PTPDC1: variants seen among roughly 807,000 people sequenced by gnomAD.
PTPDC1 encodes the protein protein tyrosine phosphatase domain-containing protein 1.
PTPDC1 carries 53 observed loss-of-function variants against 75.3 expected under a neutral mutation model. The observed-to-expected ratio is 0.70, with a 90% confidence interval of 0.56 to 0.88. The LOEUF is 0.88. PTPDC1 is among the 40% of genes least tolerant of loss of function. The probability of loss-of-function intolerance (pLI) is 0.00; values close to 1 mark genes in which losing one functional copy is unlikely to be tolerated. For missense variants in PTPDC1, 925 were observed against 998.6 expected (o/e 0.93, Z 0.99); for synonymous variants, 349 against 366.2 (o/e 0.95, Z 0.54).
chr9:94,087,683 G>T, intron 2 of PTPDC1, 148 bp from the exon 3 acceptor site: 2 of 639,016 alleles, frequency 3.1e-6, no homozygotes, highest in Non-Finnish European at 5.5e-6. Context: ...TGTATTATCT[G>T]TTCAAATAAA....
At chr9:94,080,663 T>C (rs750917251), upstream of PTPDC1, among the ~76,000 whole-genome samples, 1 of 152,200 alleles carries the variant, frequency 6.6e-6, no homozygotes, top group African/African-American at 2.4e-5. Context: ...ATAACTGGCC[T>C]ATACTCTTCA....
intron 8 of PTPDC1, among the ~76,000 whole-genome samples, chr9:94,105,501 C>T (rs1827982436): frequency 6.6e-6 from 1 of 151,970 alleles, no homozygotes; most frequent in African/African-American, 2.4e-5. Context: ...AACCCCATCT[C>T]TACTAAAGTA....
At chr9:94,061,870 G>A (rs899178007) in intron 1 of PTPDC1, among the ~76,000 whole-genome samples, 2 of 152,228 alleles carry the variant, frequency 1.3e-5, no homozygotes, top group African/African-American at 4.8e-5. Context: ...CCTTCAAGGC[G>A]TTTTTCCCAT....
At chr9:94,069,563 C>CA (rs1826439907) in intron 2 of PTPDC1, among the ~76,000 whole-genome samples, 1 of 150,620 alleles carries the variant, frequency 6.6e-6, no homozygotes, top group African/African-American at 2.5e-5. Context: ...CTCTGTTTCC[C>CA]AGGCTGGAGT....
chr9:94,078,668 T>G (rs1826774751), intron 2 of PTPDC1, among the ~76,000 whole-genome samples: 1 of 152,250 alleles, frequency 6.6e-6, no homozygotes, highest in Non-Finnish European at 1.5e-5. Context: ...TTTTCATTTT[T>G]TATTCTCTGT....
chr9:94,055,723 G>A (rs138413824), intron 1 of PTPDC1, among the ~76,000 whole-genome samples: 5 of 152,286 alleles, frequency 3.3e-5, no homozygotes, highest in African/African-American at 4.8e-5. Context: ...TGCACATTGT[G>A]CACATGAACC....
At chr9:94,104,608 G>T (rs1262950955) in intron 8 of PTPDC1, among the ~76,000 whole-genome samples, 1 of 152,166 alleles carries the variant, frequency 6.6e-6, no homozygotes, top group Admixed American at 6.5e-5. Flanking sequence ...TGAGTTTTTT[G>T]AAGGAGAACG....
chr9:94,062,877 C>G (rs1220769059), intron 1 of PTPDC1, among the ~76,000 whole-genome samples: 1 of 152,156 alleles, frequency 6.6e-6, no homozygotes, highest in African/African-American at 2.4e-5. Flanking sequence ...TGAATAGACT[C>G]AAGGAACTCA....
chr9:94,076,856 C>T (rs1826711439), intron 2 of PTPDC1, among the ~76,000 whole-genome samples: 1 of 152,058 alleles, frequency 6.6e-6, no homozygotes. Context: ...TATTGTCGGG[C>T]ATTTGATTGT....
At chr9:94,042,131 A>C (rs1825443039) in intron 1 of PTPDC1, among the ~76,000 whole-genome samples, 1 of 152,194 alleles carries the variant, frequency 6.6e-6, no homozygotes, top group African/African-American at 2.4e-5. Context: ...GGCTCCTACC[A>C]TTCACCATCC....
At chr9:94,083,414 G>T (rs1826957536), upstream of PTPDC1, among the ~76,000 whole-genome samples, 1 of 151,994 alleles carries the variant, frequency 6.6e-6, no homozygotes, top group South Asian at 2.1e-4. Context: ...GGGAGATGGG[G>T]GCGGCATTTT....
At chr9:94,083,359 G>A (rs569367238), upstream of PTPDC1, among the ~76,000 whole-genome samples, 12 of 152,232 alleles carry the variant, frequency 7.9e-5, no homozygotes, top group Admixed American at 5.9e-4. Flanking sequence ...ACACCAAATC[G>A]GGATTCTGTG....
intron 1 of PTPDC1, among the ~76,000 whole-genome samples, chr9:94,050,800 T>C (rs180745809): frequency 0.015 from 2,215 of 152,322 alleles, 42 homozygotes; most frequent in African/African-American, 0.05. Flanking sequence ...GGCTATGCCC[T>C]GCCCCCAGAG....
At chr9:94,048,915 G>C (rs1021500089) in intron 1 of PTPDC1, among the ~76,000 whole-genome samples, 2 of 152,072 alleles carry the variant, frequency 1.3e-5, no homozygotes, top group Admixed American at 1.3e-4. Context: ...TATGTTTAGG[G>C]TAGTTAGCTC....
At chr9:94,087,135 T>G (rs1361722563) in intron 2 of PTPDC1, among the ~76,000 whole-genome samples, 1 of 152,220 alleles carries the variant, frequency 6.6e-6, no homozygotes, top group Admixed American at 6.5e-5. Context: ...ACTGTTACCT[T>G]CACCACCAGC....
At chr9:94,032,075 G>A (rs1441267228) in intron 1 of PTPDC1, among the ~76,000 whole-genome samples, 1 of 152,198 alleles carries the variant, frequency 6.6e-6, no homozygotes, top group African/African-American at 2.4e-5. Flanking sequence ...AGCTCAGAGG[G>A]TTTGGGTGAC....
chr9:94,094,725 C>G (rs76777967), intron 4 of PTPDC1, among the ~76,000 whole-genome samples: 2 of 152,228 alleles, frequency 1.3e-5, no homozygotes, highest in Admixed American at 6.5e-5. Flanking sequence ...TAACAATCAG[C>G]GAGACTCCGT....
At chr9:94,072,272 C>G (rs1354466202) in intron 2 of PTPDC1, among the ~76,000 whole-genome samples, 1 of 152,116 alleles carries the variant, frequency 6.6e-6, no homozygotes. Flanking sequence ...TTGCAAAGTG[C>G]TGGGATTATA....
intron 1 of PTPDC1, among the ~76,000 whole-genome samples, chr9:94,056,930 T>G (rs1453219780): frequency 6.6e-6 from 1 of 152,166 alleles, no homozygotes; most frequent in Non-Finnish European, 1.5e-5. Context: ...TATCTGTCAT[T>G]GACAACAGGA....
Sources: allele counts gnomAD v4.1 joint callset (sites outside exome capture counted in the v4.1 genomes callset), GRCh38; gene constraint gnomAD v4.1.1; transcripts MANE v1.5; gene names NCBI Gene and HGNC (gene_info 2026-07-23, HGNC 2026-07-21).